GRK3: variants seen among roughly 807,000 people sequenced by gnomAD.
GRK3 encodes the protein G protein-coupled receptor kinase 3.
In GRK3, 54 loss-of-function variants were observed where a neutral mutation model predicts 95.7. The observed-to-expected ratio is 0.56, with a 90% CI of 0.45 to 0.71. GRK3 has a LOEUF of 0.71. GRK3 is among the 30% of genes least tolerant of loss of function. The pLI is 0.00. For missense variants in GRK3, 649 were observed against 851.2 expected (o/e 0.76, Z 2.96); for synonymous variants, 281 against 290.8 (o/e 0.97, Z 0.34).
intron 10 of GRK3, among the ~76,000 whole-genome samples, chr22:25,687,317 G>A (rs1287274111): frequency 1.3e-5 from 2 of 152,066 alleles, no homozygotes; most frequent in African/African-American, 2.4e-5. Context: ...TGGTTTTGCT[G>A]TCTTGTCCTT....
intron 2 of GRK3, among the ~76,000 whole-genome samples, chr22:25,624,066 G>A (rs553881559): frequency 6.6e-6 from 1 of 152,148 alleles, no homozygotes; most frequent in African/African-American, 2.4e-5. Context: ...CCACTGCAGG[G>A]TGCAGTCAGC....
chr22:25,705,535 G>A (rs926595025), intron 15 of GRK3, among the ~76,000 whole-genome samples: 1 of 152,080 alleles, frequency 6.6e-6, no homozygotes. Flanking sequence ...AATCAAAAAT[G>A]TTGTTCATTA....
At chr22:25,689,986 T>C (rs1037790939) in intron 11 of GRK3, among the ~76,000 whole-genome samples, 1 of 152,218 alleles carries the variant, frequency 6.6e-6, no homozygotes, top group Non-Finnish European at 1.5e-5. Flanking sequence ...CCTCTGTCAT[T>C]ACCACTTTGC....
intron 10 of GRK3, among the ~76,000 whole-genome samples, chr22:25,686,861 C>T (rs558841357): frequency 1.3e-5 from 2 of 152,266 alleles, no homozygotes; most frequent in East Asian, 1.9e-4. Context: ...TCTCTGTTGC[C>T]CAGGCTGGAG....
At chr22:25,594,975 T>C (rs1259865096) in intron 1 of GRK3, among the ~76,000 whole-genome samples, 2 of 152,176 alleles carry the variant, frequency 1.3e-5, no homozygotes, top group African/African-American at 4.8e-5. Flanking sequence ...CCAGTACGCT[T>C]CATGTTAAAA....
At chr22:25,637,995 G>C (rs1003197617) in intron 2 of GRK3, among the ~76,000 whole-genome samples, 1 of 152,212 alleles carries the variant, frequency 6.6e-6, no homozygotes, top group African/African-American at 2.4e-5. Context: ...CTTACTCGCA[G>C]TTTACTGATC....
At chr22:25,635,374 C>T (rs1601490227) in intron 2 of GRK3, among the ~76,000 whole-genome samples, 2 of 152,256 alleles carry the variant, frequency 1.3e-5, no homozygotes, top group South Asian at 4.1e-4. Context: ...AACCACAGTA[C>T]AATGTTCAAA....
intron 3 of GRK3, among the ~76,000 whole-genome samples, chr22:25,645,585 TAA>T (rs112241265): frequency 1.3e-5 from 2 of 152,046 alleles, no homozygotes; most frequent in African/African-American, 4.8e-5. Flanking sequence ...GCTAAGGAAA[TAA>T]AAGTGTCTCC....
chr22:25,571,944 G>T (rs1008859933), intron 1 of GRK3, among the ~76,000 whole-genome samples: 1 of 151,898 alleles, frequency 6.6e-6, no homozygotes, highest in Non-Finnish European at 1.5e-5. Context: ...TGCCATGTTG[G>T]TGTGCTGCAC....
chr22:25,607,823 T>C (rs527787439), intron 2 of GRK3, among the ~76,000 whole-genome samples: 1 of 152,002 alleles, frequency 6.6e-6, no homozygotes, highest in African/African-American at 2.4e-5. Flanking sequence ...TCAAGTGATC[T>C]GCCCACCTCA....
chr22:25,693,782 T>G (rs997237747), intron 12 of GRK3, among the ~76,000 whole-genome samples: 7 of 116,016 alleles, frequency 6.0e-5, no homozygotes, highest in Non-Finnish European at 7.8e-5. Flanking sequence ...TTCTTTTTTT[T>G]TTTTTTTTTT....
rs940114456 is a variant in GRK3 at position 25,727,335 on chromosome 22, G to A, written c.*4885G>A. On this transcript the variant is annotated 3_prime_UTR_variant, in exon 21 of 21. Transcript: ENST00000324198. ...GTTTATTATGAAACAAATGAAATTT[G>A]AACTCTAAAATGGTACTCCTTGGCT... 2.6e-5 allele frequency: 4 copies of A among 151,918 alleles called. No individual in the cohort carries two copies. In the South Asian group the frequency reaches 6.2e-4, roughly 24 times the overall value. 9.4% of individuals were successfully genotyped at this position (151,918 alleles called of 1,614,324 possible).
At chr22:25,581,580 C>T (rs946434725) in intron 1 of GRK3, among the ~76,000 whole-genome samples, 3 of 152,104 alleles carry the variant, frequency 2.0e-5, no homozygotes, top group East Asian at 1.9e-4. Context: ...CTAAGAGTCC[C>T]GACTAATCCA....
rs981323971 is a variant in GRK3, at chr22:25,687,802, T to C, written c.957+135T>C. 30 of 930,024 alleles carry C rather than the reference T, an allele frequency of 3.2e-5. No individual in the cohort carries two copies. In the East Asian group the frequency reaches 6.7e-4, roughly 21 times the overall value. The allele number at this position is 930,024 out of a possible 1,614,324, so 57.6% of individuals were successfully genotyped here. ...TCAGCCCTGATGAAGTCATTAGCTA[T>C]ATGACATTTTATCTCCTCTAGACCA... is the stretch of plus-strand genomic sequence containing the variant. On this transcript the variant is annotated intron_variant, in intron 11 of 20. Transcript: ENST00000324198.
At chr22:25,579,771 C>T (rs1036460416) in intron 1 of GRK3, among the ~76,000 whole-genome samples, 1 of 151,534 alleles carries the variant, frequency 6.6e-6, no homozygotes, top group Non-Finnish European at 1.5e-5. Flanking sequence ...CGAGCCTGGC[C>T]GAGGGGACTT....
At chr22:25,647,595 A>G (rs774567096) in intron 3 of GRK3, 17 of 1,555,220 alleles carry the variant, frequency 1.1e-5, no homozygotes, top group Middle Eastern at 1.8e-4. Flanking sequence ...AAGACCTTTC[A>G]TTTAAGAAGG....
chr22:25,653,712 G>A (rs1349320657), intron 3 of GRK3, among the ~76,000 whole-genome samples: 1 of 151,336 alleles, frequency 6.6e-6, no homozygotes, highest in African/African-American at 2.4e-5. Context: ...CTTTTTTTTT[G>A]AGATGGAATC....
intron 3 of GRK3, among the ~76,000 whole-genome samples, chr22:25,651,198 T>C (rs1419103398): frequency 6.6e-6 from 1 of 152,188 alleles, no homozygotes; most frequent in Non-Finnish European, 1.5e-5. Context: ...GTGGTATAAG[T>C]GTCTAGCAAA....
chr22:25,709,969 T>C lies in GRK3; in HGVS notation c.1395+5T>C. 1 of 1,608,200 alleles carries C rather than the reference T, an allele frequency of 6.2e-7. No homozygotes were observed. Among genetic ancestry groups the C allele is most frequent in the African/African-American group, 1.3e-5 (1 of 74,906 alleles). On this transcript the variant is annotated splice_donor_5th_base_variant and intron_variant, in intron 16 of 20. Transcript: ENST00000324198. ...CAGCATGTCTACTTACAAAAGGTAC[T>C]CACTCCCTCTTGACTCTACTTACGG...
Sources: allele counts gnomAD v4.1 joint callset (sites outside exome capture counted in the v4.1 genomes callset), GRCh38; gene constraint gnomAD v4.1.1; transcripts MANE v1.5; gene names NCBI Gene and HGNC (gene_info 2026-07-23, HGNC 2026-07-21).